Variants in WIPF3 observed in about 807,000 individuals in gnomAD.
WIPF3 encodes WAS/WASL-interacting protein family member 3.
In WIPF3, 33 loss-of-function variants were observed where a neutral mutation model predicts 38.9. That is an observed-to-expected ratio of 0.85 (90% CI 0.64 to 1.14). WIPF3 has a LOEUF of 1.14. Among genes scored for constraint, WIPF3 ranks in the 50% most tolerant of loss-of-function variants. The probability of loss-of-function intolerance (pLI) is 0.00; values close to 1 mark genes in which losing one functional copy is unlikely to be tolerated. For synonymous variants in WIPF3, 324 were observed against 269.3 expected (o/e 1.20, Z -1.99); for missense variants, 711 against 652.5 (o/e 1.09, Z -0.98).
intron 2 of WIPF3, among the ~76,000 whole-genome samples, chr7:29,872,213 A>G (rs1385271137): frequency 6.6e-6 from 1 of 152,192 alleles, no homozygotes; most frequent in Non-Finnish European, 1.5e-5. Context: ...AATATTTGAA[A>G]ATCCTTTCTT....
At chr7:29,869,091 G>A (rs1310544704) in intron 2 of WIPF3, among the ~76,000 whole-genome samples, 1 of 151,462 alleles carries the variant, frequency 6.6e-6, no homozygotes, top group Admixed American at 6.6e-5. Flanking sequence ...GTGCAATGGC[G>A]CAATTTTGGC....
At chr7:29,847,078 G>A (rs1785012659) in intron 2 of WIPF3, among the ~76,000 whole-genome samples, 1 of 152,336 alleles carries the variant, frequency 6.6e-6, no homozygotes, top group African/African-American at 2.4e-5. Context: ...GCCCTGAACA[G>A]GAGTATAGCA....
intron 2 of WIPF3, among the ~76,000 whole-genome samples, chr7:29,855,040 A>T (rs944345922): frequency 6.6e-6 from 1 of 152,156 alleles, no homozygotes; most frequent in Non-Finnish European, 1.5e-5. Flanking sequence ...ACTAATGCAC[A>T]ATGTCTTTCT....
Position 29,884,352 on chromosome 7 carries a change from G to C in WIPF3, c.858G>C (p.Ala286=). The change falls in exon 5 of 9, where the codon GCG becomes GCC. Residue 286 remains alanine, a synonymous_variant. Transcript: ENST00000242140. ...AGCCCGCCAGCCCTGCGCAAGATGCGCAGGAGCCTCCCGCCCCGCCGCCCC... is the reference window on the plus strand; with the variant it reads ...AGCCCGCCAGCCCTGCGCAAGATGCCCAGGAGCCTCCCGCCCCGCCGCCCC... ...KAEPASPAQD[A]QEPPAPPPPL... 1.3e-6 allele frequency: 2 copies of C among 1,507,582 alleles called. No individual in the cohort carries two copies. The highest frequency in any genetic ancestry group is 1.8e-6 in the Non-Finnish European group (2 of 1,127,376). 93.4% of individuals were successfully genotyped at this position (1,507,582 alleles called of 1,614,324 possible).
chr7:29,837,542 T>C (rs1208669784), intron 2 of WIPF3, among the ~76,000 whole-genome samples: 1 of 152,240 alleles, frequency 6.6e-6, no homozygotes, highest in Non-Finnish European at 1.5e-5. Context: ...ATTGTACATT[T>C]GGTTAAATTT....
chr7:29,892,806 A>G (rs1786051534), intron 7 of WIPF3, among the ~76,000 whole-genome samples: 1 of 152,160 alleles, frequency 6.6e-6, no homozygotes, highest in South Asian at 2.1e-4. Context: ...TTAGCCAGCT[A>G]TTATAAGAGT....
At position 29,878,468 on chromosome 7, in the gene WIPF3, G is replaced by A. The variant is rs1369967107; in HGVS notation, c.224-541G>A. On this transcript the variant is annotated intron_variant, in intron 3 of 8. Coordinates refer to ENST00000242140, the MANE Select transcript of WIPF3 (RefSeq NM_001080529.3). This position sits in a 1 kb window ranked among gnomAD's most constrained non-coding sequence, Gnocchi z 4.0. ...TAGATGAAAAGGTGCAGGGAGGTGC[G>A]AGGGGCTGGGGGCTTGAGGGCTGGA... is the stretch of plus-strand genomic sequence containing the variant. Among the ~76,000 whole-genome samples, 9 of 152,150 alleles carry A rather than the reference G, an allele frequency of 5.9e-5. No individual in the cohort carries two copies. Among genetic ancestry groups the A allele is most frequent in the African/African-American group, 2.2e-4 (9 of 41,432 alleles).
At chr7:29,815,522 G>A (rs1048067456) in intron 1 of WIPF3, among the ~76,000 whole-genome samples, 5 of 152,128 alleles carry the variant, frequency 3.3e-5, no homozygotes, top group Non-Finnish European at 7.3e-5. Context: ...GTATCCGTAT[G>A]AATTACATGT....
intron 7 of WIPF3, among the ~76,000 whole-genome samples, chr7:29,901,617 C>T (rs1317269389): frequency 6.6e-6 from 1 of 151,272 alleles, no homozygotes; most frequent in Non-Finnish European, 1.5e-5. Flanking sequence ...ATGGCAAAAC[C>T]CCATGTTTCT....
At chr7:29,819,359 T>G (rs1357425164) in intron 1 of WIPF3, among the ~76,000 whole-genome samples, 1 of 152,118 alleles carries the variant, frequency 6.6e-6, no homozygotes, top group Non-Finnish European at 1.5e-5. Context: ...CTATCATTAT[T>G]TTCCCTGTCT....
chr7:29,809,481 C>A (rs1290207402), intron 1 of WIPF3, among the ~76,000 whole-genome samples: 5 of 152,200 alleles, frequency 3.3e-5, no homozygotes, highest in Admixed American at 6.5e-5. Context: ...ACTTTGCCGA[C>A]AGCATGACAA....
intron 2 of WIPF3, among the ~76,000 whole-genome samples, chr7:29,871,450 G>A (rs895539312): frequency 1.3e-5 from 2 of 152,226 alleles, no homozygotes; most frequent in Non-Finnish European, 2.9e-5. Context: ...TTAGGAGACC[G>A]CAAGGCTGAA....
At chr7:29,871,593 A>T (rs1785498123) in intron 2 of WIPF3, among the ~76,000 whole-genome samples, 1 of 152,204 alleles carries the variant, frequency 6.6e-6, no homozygotes, top group African/African-American at 2.4e-5. Flanking sequence ...GCATATGGTG[A>T]CAGGGTGCCA....
Position 29,869,063 on chromosome 7 carries a change from C to A in WIPF3, c.91-6767C>A, listed in dbSNP as rs117194953. 2.0e-5 allele frequency among the ~76,000 whole-genome samples: 3 copies of A among 151,554 alleles called. No homozygotes were observed. The East Asian group carries it at 5.8e-4, about 29-fold the overall frequency. ...TCATTTTTTGAGATGGAGTTTCACT[C>A]GTGTTGCCCAGACTAGAGTGCAATG... On this transcript the variant is annotated intron_variant, in intron 2 of 8. Coordinates refer to ENST00000242140, the MANE Select transcript of WIPF3 (RefSeq NM_001080529.3).
At position 29,916,108 on chromosome 7, in the gene WIPF3, T is replaced by C. The variant is rs1376000164; in HGVS notation, c.*1592T>C. The C allele has an allele frequency of 6.6e-6, 1 of 152,126 alleles. No individual in the cohort carries two copies. Among genetic ancestry groups the C allele is most frequent in the Non-Finnish European group, 1.5e-5 (1 of 68,040 alleles). 9.4% of individuals were successfully genotyped at this position (152,126 alleles called of 1,614,324 possible). A position where few individuals can be genotyped will look rare whatever the true frequency, so the allele number is the denominator to read the frequency against. On this transcript the variant is annotated 3_prime_UTR_variant, in exon 9 of 9. Transcript: ENST00000242140. The stretch of plus-strand genomic sequence containing the variant: ...CAAGTGAGCCAGGGTCAAATTCCCT[T>C]CTCCAGGGGAATGAATCAAGCCCAA...
At chr7:29,886,058 G>T (rs1298707814) in intron 5 of WIPF3, among the ~76,000 whole-genome samples, 1 of 152,070 alleles carries the variant, frequency 6.6e-6, no homozygotes, top group Non-Finnish European at 1.5e-5. Flanking sequence ...CCTCATGTTA[G>T]ATATCTAAGT....
chr7:29,818,439 C>G (rs770427857), intron 1 of WIPF3, among the ~76,000 whole-genome samples: 1 of 149,442 alleles, frequency 6.7e-6, no homozygotes, highest in Non-Finnish European at 1.5e-5. Flanking sequence ...GGAGACAGAG[C>G]GAGACTCCAT....
rs560466072 is a variant in WIPF3, at chr7:29,815,643, C to T, written c.-58+8965C>T. Among the ~76,000 whole-genome samples the T allele has an allele frequency of 2.6e-5, 4 of 152,306 alleles. No individual in the cohort carries two copies. The South Asian group carries it at 8.3e-4, about 32-fold the overall frequency. On this transcript the variant is annotated intron_variant, in intron 1 of 8. Transcript: ENST00000242140. ...TATTTCAGACATGTGCACCTTCTCA[C>T]CAGCATGCTTGTGTTCTCACAGTTA...
At chr7:29,914,418 G>C in intron 8 of WIPF3, 75 bp from the exon 9 acceptor site, 2 of 1,227,808 alleles carry the variant, frequency 1.6e-6, no homozygotes, top group African/African-American at 1.6e-5. Flanking sequence ...CCTGTTTGGG[G>C]GGGTGGAGGA....
Sources: gnomAD v4.1 joint callset for allele counts (sites outside exome capture counted in the v4.1 genomes callset) on GRCh38, gnomAD v4.1.1 for gene constraint, Gnocchi (gnomAD v3.1) non-coding constraint, MANE v1.5 for transcripts, NCBI Gene and HGNC (gene_info 2026-07-23, HGNC 2026-07-21) for gene names.